SLCO5A1: variants seen among roughly 807,000 people sequenced by gnomAD.
SLCO5A1 encodes organic anion transporter polypeptide-related protein 4.
In SLCO5A1, 39 loss-of-function variants were observed where a neutral mutation model predicts 65.1. The ratio of observed to expected loss-of-function variants is 0.60; its 90% CI spans 0.46 to 0.78. The LOEUF (loss-of-function observed/expected upper bound fraction) is 0.78, where lower values mean the gene tolerates loss of function less well. Among genes scored for constraint, SLCO5A1 ranks in the 30% least tolerant of loss-of-function variants. The pLI is 0.00. For synonymous variants in SLCO5A1, 438 were observed against 415.7 expected, an observed-to-expected ratio of 1.05 and a Z score of -0.65; for missense variants, 1,029 against 1,069.4, an observed-to-expected ratio of 0.96 and a Z score of 0.53.
intron 9 of SLCO5A1, among the ~76,000 whole-genome samples, chr8:69,675,939 T>G (rs960047613): frequency 2.0e-5 from 3 of 152,216 alleles, no homozygotes; most frequent in Non-Finnish European, 4.4e-5. Context: ...AGGAATGTTG[T>G]ATGTTACATG....
intron 4 of SLCO5A1, among the ~76,000 whole-genome samples, chr8:69,742,182 T>A (rs1423362451): frequency 6.6e-6 from 1 of 152,208 alleles, no homozygotes; most frequent in Admixed American, 6.5e-5. Context: ...CCTGTGCTAT[T>A]TCTATAGCTT....
intron 1 of SLCO5A1, 46 bp downstream of exon 1, chr8:69,834,808 C>G (rs1821356574): frequency 6.5e-6 from 1 of 153,190 alleles, no homozygotes; most frequent in Non-Finnish European, 1.4e-5. Context: ...AGACCGCCGG[C>G]GACAGCCCGC....
At chr8:69,675,702 T>G (rs1227223254) in intron 9 of SLCO5A1, among the ~76,000 whole-genome samples, 1 of 152,164 alleles carries the variant, frequency 6.6e-6, no homozygotes, top group African/African-American at 2.4e-5. Flanking sequence ...GATTCATGCT[T>G]CAGGGGGTCA....
At chr8:69,834,017 CGGGGAGG>C (rs1359076998) in intron 1 of SLCO5A1, 3 of 151,938 alleles carry the variant, frequency 2.0e-5, no homozygotes, top group Admixed American at 2.0e-4. Context: ...CGCGGGCCGG[CGGGGAGG>C]TGTGCTATTG....
intron 2 of SLCO5A1, among the ~76,000 whole-genome samples, chr8:69,784,974 A>C (rs547342175): frequency 1.3e-5 from 2 of 149,480 alleles, no homozygotes; most frequent in Admixed American, 6.6e-5. Context: ...AGAAAGAAAG[A>C]GAAAGAAAGA....
At chr8:69,725,351 A>C (rs1816012660) in intron 5 of SLCO5A1, among the ~76,000 whole-genome samples, 1 of 152,172 alleles carries the variant, frequency 6.6e-6, no homozygotes, top group African/African-American at 2.4e-5. Flanking sequence ...CAAAGGCAGA[A>C]ATTTAAACAT....
In SLCO5A1 at chr8:69,668,763, C is replaced by A. The variant is rs1326873462; in HGVS notation, c.*4106G>T. 1 of 152,082 alleles carries A rather than the reference C, an allele frequency of 6.6e-6. No individual in the cohort carries two copies. The highest frequency in any genetic ancestry group is 1.5e-5 in the Non-Finnish European group (1 of 68,024). 9.4% of individuals were successfully genotyped at this position (152,082 alleles called of 1,614,324 possible). A position where few individuals can be genotyped will look rare whatever the true frequency, so the allele number is the denominator to read the frequency against. The stretch of plus-strand genomic sequence containing the variant: ...TTGGTGGTTGGTGAACATGGAGGAC[C>A]ACCATGACATCCATGAGGCCTTACT... On this transcript the variant is annotated 3_prime_UTR_variant, in exon 10 of 10. Transcript: ENST00000260126.
At chr8:69,751,231 C>T (rs1817284231) in intron 4 of SLCO5A1, among the ~76,000 whole-genome samples, 1 of 152,174 alleles carries the variant, frequency 6.6e-6, no homozygotes. Flanking sequence ...CTTTAAAATG[C>T]TGGACCTCAA....
chr8:69,784,669 TC>T (rs1394902223), intron 2 of SLCO5A1, among the ~76,000 whole-genome samples: 1 of 151,050 alleles, frequency 6.6e-6, no homozygotes, highest in Non-Finnish European at 1.5e-5. Flanking sequence ...GTGCTTGTAA[TC>T]CCCGCTACCC....
chr8:69,753,476 T>C (rs1817409560), intron 4 of SLCO5A1, among the ~76,000 whole-genome samples: 1 of 152,162 alleles, frequency 6.6e-6, no homozygotes, highest in Non-Finnish European at 1.5e-5. Flanking sequence ...GGTCCAAAAA[T>C]GTGGACAGGG....
intron 6 of SLCO5A1, among the ~76,000 whole-genome samples, chr8:69,690,119 G>C (rs1026328236): frequency 6.6e-6 from 1 of 152,366 alleles, no homozygotes; most frequent in Non-Finnish European, 1.5e-5. Flanking sequence ...CCAGACTAGA[G>C]TCAAGCTCAA....
chr8:69,766,448 C>A (rs981033120), intron 2 of SLCO5A1, among the ~76,000 whole-genome samples: 1 of 152,154 alleles, frequency 6.6e-6, no homozygotes, highest in South Asian at 2.1e-4. Flanking sequence ...CGTTCTTTAA[C>A]CTTCCAGGCA....
At chr8:69,694,926 T>C (rs1311537777) in intron 6 of SLCO5A1, among the ~76,000 whole-genome samples, 2 of 152,142 alleles carry the variant, frequency 1.3e-5, no homozygotes, top group African/African-American at 4.8e-5. Flanking sequence ...GATTAGATAA[T>C]AAAGATGTAA....
At chr8:69,705,292 T>C in intron 5 of SLCO5A1, 63 bp from the exon 6 acceptor site, 2 of 1,524,724 alleles carry the variant, frequency 1.3e-6, no homozygotes, top group Non-Finnish European at 1.8e-6. Flanking sequence ...ATCTTATCTA[T>C]TCTGTCTCTT....
intron 5 of SLCO5A1, among the ~76,000 whole-genome samples, chr8:69,712,451 G>T (rs895210580): frequency 6.6e-6 from 1 of 152,120 alleles, no homozygotes; most frequent in Non-Finnish European, 1.5e-5. Context: ...TTGCCAATTT[G>T]TATTGTAAAT....
intron 4 of SLCO5A1, among the ~76,000 whole-genome samples, chr8:69,743,322 G>A (rs1816880324): frequency 6.6e-6 from 1 of 152,172 alleles, no homozygotes. Flanking sequence ...ATAATTTAAA[G>A]TCTGTATTTG....
intron 2 of SLCO5A1, among the ~76,000 whole-genome samples, chr8:69,771,175 G>A (rs1326396631): frequency 2.0e-5 from 3 of 151,964 alleles, no homozygotes; most frequent in Admixed American, 6.6e-5. Flanking sequence ...GTAGAGATGG[G>A]GTTCCACCGT....
chr8:69,801,371 C>CT (rs989544499), intron 2 of SLCO5A1, among the ~76,000 whole-genome samples: 3 of 151,950 alleles, frequency 2.0e-5, no homozygotes, highest in Non-Finnish European at 1.5e-5. Flanking sequence ...ATCCAAGAGT[C>CT]TTTTTTTTCC....
Position 69,761,869 on chromosome 8 carries a change from A to G in SLCO5A1, c.914T>C (p.Met305Thr). Residue 305 changes from methionine to threonine, a missense_variant, in exon 3 of 10, where the codon ATG becomes ACG. By Grantham distance (81) the Met-to-Thr change is moderately conservative. Transcript: ENST00000260126. Reference protein sequence around the residue: ...KENSSLYLAIMYVMGALGPAV... With the variant: ...KENSSLYLAITYVMGALGPAV... Reference sequence around the variant, plus strand: ...AGGGCCAAGTGCTCCCATGACATACATGATGGCTGAGAAGACAGAAGGGGA... The same window carrying G: ...AGGGCCAAGTGCTCCCATGACATACGTGATGGCTGAGAAGACAGAAGGGGA... 1.2e-6 allele frequency: 2 copies of G among 1,612,214 alleles called. No homozygotes were observed. The highest frequency in any genetic ancestry group is 1.7e-6 in the Non-Finnish European group (2 of 1,179,712).
Sources: allele counts gnomAD v4.1 joint callset (sites outside exome capture counted in the v4.1 genomes callset), GRCh38; gene constraint gnomAD v4.1.1; transcripts MANE v1.5; gene names NCBI Gene and HGNC (gene_info 2026-07-23, HGNC 2026-07-21).